The following RFPL1 variants were observed in gnomAD, a reference collection of about 807,000 sequenced individuals.
The protein encoded by RFPL1 is ret finger protein-like 1.
RFPL1 carries 6 observed loss-of-function variants against 9.6 expected under a neutral mutation model. The ratio of observed to expected loss-of-function variants is 0.62; its 90% CI spans 0.34 to 1.23. The LOEUF is 1.23. Among genes scored for constraint, RFPL1 ranks in the 50% most tolerant of loss-of-function variants. The pLI, the probability that RFPL1 is intolerant of heterozygous loss-of-function variation, is 0.03. For missense variants in RFPL1, 352 were observed against 398.4 expected, an observed-to-expected ratio of 0.88 and a Z score of 0.99; for synonymous variants, 145 against 149.4, an observed-to-expected ratio of 0.97 and a Z score of 0.22.
exon 1 of RFPL1, chr22:29,438,831 C>A (rs1161310054): frequency 6.2e-7 from 1 of 1,613,934 alleles, no homozygotes; most frequent in African/African-American, 1.3e-5. Context: ...CAGGCTTTCA[C>A]CTCACGGAAA....
chr22:29,394,278 C>G, the RFPL1 span, among the ~76,000 whole-genome samples: 2 of 152,212 alleles, frequency 1.3e-5, no homozygotes, highest in Admixed American at 6.5e-5. Context: ...CTCAGCCTCC[C>G]GAGTAGCTGG....
the RFPL1 span, among the ~76,000 whole-genome samples, chr22:29,414,614 T>C: frequency 6.6e-6 from 1 of 152,112 alleles, no homozygotes; most frequent in Non-Finnish European, 1.5e-5. Flanking sequence ...CTTAATCACC[T>C]GGGAGGAACT....
chr22:29,394,381 C>T, the RFPL1 span, among the ~76,000 whole-genome samples: 5 of 151,176 alleles, frequency 3.3e-5, no homozygotes, highest in African/African-American at 9.8e-5. Context: ...CTCGCTGTGT[C>T]GTCCAGGCTG....
At chr22:29,420,290 C>T in the RFPL1 span, among the ~76,000 whole-genome samples, 3 of 152,190 alleles carry the variant, frequency 2.0e-5, no homozygotes, top group African/African-American at 7.2e-5. Context: ...ATAGTCAGGA[C>T]CCTGATAACA....
the RFPL1 span, among the ~76,000 whole-genome samples, chr22:29,421,426 C>CAA: frequency 2.7e-5 from 4 of 150,526 alleles, no homozygotes; most frequent in African/African-American, 7.3e-5. Context: ...GACTCTGTCT[C>CAA]AAAAAAAACA....
the RFPL1 span, among the ~76,000 whole-genome samples, chr22:29,425,862 C>T: frequency 2.0e-5 from 3 of 149,262 alleles, no homozygotes; most frequent in South Asian, 2.1e-4. Flanking sequence ...CACTGCACCC[C>T]ATCCTGGGCC....
chr22:29,398,501 G>A, the RFPL1 span, among the ~76,000 whole-genome samples: 1 of 152,222 alleles, frequency 6.6e-6, no homozygotes, highest in Non-Finnish European at 1.5e-5. Flanking sequence ...TCCTCGTGCA[G>A]TTGGAAAGGA....
At chr22:29,429,934 T>C in the RFPL1 span, among the ~76,000 whole-genome samples, 1 of 152,282 alleles carries the variant, frequency 6.6e-6, no homozygotes, top group African/African-American at 2.4e-5. Flanking sequence ...AGGGTGCAAA[T>C]TGACTTGGTG....
chr22:29,441,534 T>A lies in RFPL1; in HGVS notation c.374-8T>A. 1.2e-6 allele frequency: 2 copies of A among 1,605,110 alleles called. No individual in the cohort carries two copies. The highest frequency in any genetic ancestry group is 1.7e-6 in the Non-Finnish European group (2 of 1,173,572). On this transcript the variant is annotated splice_polypyrimidine_tract_variant and splice_region_variant and intron_variant, in intron 1 of 1. Transcript: ENST00000354373. ...CATTTTCTGATCAACTTTTTTTCCT[T>A]TTCACAGTGGATATGACCTTGGATG...
At chr22:29,433,208 C>T in the RFPL1 span, 8 of 151,360 alleles carry the variant, frequency 5.3e-5, no homozygotes, top group Non-Finnish European at 1.0e-4. Context: ...AGGAGAATCA[C>T]TTGAACCCAG....
upstream of RFPL1, chr22:29,436,670 T>C (rs2062810401): frequency 6.6e-6 from 1 of 151,664 alleles, no homozygotes; most frequent in Admixed American, 6.6e-5. Context: ...ACACACTTTA[T>C]GCATGTATCA....
At chr22:29,425,065 G>A in the RFPL1 span, among the ~76,000 whole-genome samples, 2 of 151,520 alleles carry the variant, frequency 1.3e-5, no homozygotes, top group African/African-American at 2.4e-5. Context: ...TTAGCCGGGC[G>A]TGGTGGCAGG....
At chr22:29,436,325 T>A (rs1453269577), upstream of RFPL1, among the ~76,000 whole-genome samples, 2 of 151,864 alleles carry the variant, frequency 1.3e-5, no homozygotes, top group Non-Finnish European at 2.9e-5. Context: ...AGGCGGTGGC[T>A]CACGCCTGTA....
chr22:29,399,883 C>T, the RFPL1 span, among the ~76,000 whole-genome samples: 1 of 152,134 alleles, frequency 6.6e-6, no homozygotes, highest in Non-Finnish European at 1.5e-5. Context: ...TTTTGTGATG[C>T]ACCTATTCAT....
the RFPL1 span, among the ~76,000 whole-genome samples, chr22:29,390,918 C>T: frequency 2.0e-5 from 3 of 151,376 alleles, no homozygotes; most frequent in East Asian, 5.9e-4. Flanking sequence ...ATTTTTAAAT[C>T]CTTTTTAAAA....
chr22:29,422,390 C>T, the RFPL1 span, among the ~76,000 whole-genome samples: 15 of 152,124 alleles, frequency 9.9e-5, no homozygotes, highest in Admixed American at 9.8e-4. Flanking sequence ...ACCAGCCTGA[C>T]AAGTATGGAG....
At chr22:29,432,746 C>T in the RFPL1 span, among the ~76,000 whole-genome samples, 1 of 152,158 alleles carries the variant, frequency 6.6e-6, no homozygotes, top group Non-Finnish European at 1.5e-5. Context: ...TTCCAACTAG[C>T]ATTTCCGATA....
At chr22:29,399,652 A>C in the RFPL1 span, among the ~76,000 whole-genome samples, 37 of 152,278 alleles carry the variant, frequency 2.4e-4, no homozygotes, top group Middle Eastern at 0.017. Flanking sequence ...AACTAAATGG[A>C]ATCTTTATTA....
chr22:29,408,491 A>T, the RFPL1 span, among the ~76,000 whole-genome samples: 1 of 152,134 alleles, frequency 6.6e-6, no homozygotes, highest in Admixed American at 6.5e-5. Flanking sequence ...CTGTCACTCT[A>T]TGTTCTCCTA....
Sources: gnomAD v4.1 joint callset for allele counts (sites outside exome capture counted in the v4.1 genomes callset) on GRCh38, gnomAD v4.1.1 for gene constraint, MANE v1.5 for transcripts, NCBI Gene and HGNC (gene_info 2026-07-23, HGNC 2026-07-21) for gene names.